The following MAGI1 variants were observed in gnomAD, a reference collection of about 807,000 sequenced individuals.
The protein encoded by MAGI1 is membrane-associated guanylate kinase, WW and PDZ domain-containing protein 1.
MAGI1 carries 58 observed loss-of-function variants against 139.9 expected under a neutral mutation model. The observed-to-expected ratio is 0.41, with a 90% CI of 0.34 to 0.52. MAGI1 has a LOEUF of 0.52. Ranked by LOEUF, MAGI1 falls within the 20% of genes least tolerant of loss-of-function variation. MAGI1 has a pLI of 0.12. For synonymous variants in MAGI1, 812 were observed against 737.9 expected (o/e 1.10, Z -1.63); for missense variants, 1,874 against 1,901.6 (o/e 0.99, Z 0.27).
chr3:65,701,049 T>G (rs759528519), intron 1 of MAGI1, among the ~76,000 whole-genome samples: 7 of 152,258 alleles, frequency 4.6e-5, no homozygotes, highest in Non-Finnish European at 8.8e-5. Flanking sequence ...AAAAATTATG[T>G]CCACAATATA....
intron 1 of MAGI1, among the ~76,000 whole-genome samples, chr3:66,022,136 C>A (rs985456391): frequency 6.6e-6 from 1 of 152,232 alleles, no homozygotes; most frequent in Non-Finnish European, 1.5e-5. Flanking sequence ...CCAATCCTTA[C>A]AACCAGCTGT....
chr3:65,998,606 C>G (rs1354537694), intron 1 of MAGI1, among the ~76,000 whole-genome samples: 1 of 152,154 alleles, frequency 6.6e-6, no homozygotes, highest in Non-Finnish European at 1.5e-5. Flanking sequence ...ATCTGTTAGG[C>G]CTTCCTTATT....
chr3:65,636,521 T>G (rs1027295403), intron 1 of MAGI1, among the ~76,000 whole-genome samples: 1 of 152,142 alleles, frequency 6.6e-6, no homozygotes, highest in Non-Finnish European at 1.5e-5. Context: ...ATCTTGACAA[T>G]GGAAGGTGAT....
chr3:65,521,180 G>GTTC (rs1396829961), intron 2 of MAGI1, among the ~76,000 whole-genome samples: 1 of 151,672 alleles, frequency 6.6e-6, no homozygotes, highest in Admixed American at 6.6e-5. Context: ...ACAGATCTCT[G>GTTC]TTAGAGATAC....
chr3:65,795,011 C>G (rs892460852), intron 1 of MAGI1, among the ~76,000 whole-genome samples: 1 of 152,150 alleles, frequency 6.6e-6, no homozygotes, highest in Admixed American at 6.5e-5. Context: ...GATACCACCA[C>G]GTACCTATCA....
At chr3:65,739,126 T>A (rs912583429) in intron 1 of MAGI1, among the ~76,000 whole-genome samples, 11 of 152,236 alleles carry the variant, frequency 7.2e-5, no homozygotes, top group African/African-American at 2.7e-4. Flanking sequence ...GCCACATTCA[T>A]CAATTATCTT....
intron 2 of MAGI1, among the ~76,000 whole-genome samples, chr3:65,516,513 T>C (rs1481563287): frequency 1.3e-5 from 2 of 151,834 alleles, no homozygotes; most frequent in African/African-American, 2.4e-5. Context: ...TAATAATAAA[T>C]AGTAGCATGC....
At chr3:65,509,790 G>A (rs996770095) in intron 2 of MAGI1, among the ~76,000 whole-genome samples, 10 of 152,126 alleles carry the variant, frequency 6.6e-5, no homozygotes, top group Non-Finnish European at 1.2e-4. Context: ...CTCGAACTGG[G>A]TGGAGCCCAC....
chr3:65,447,994 G>A (rs1472491097), intron 7 of MAGI1, 28 bp downstream of exon 7: 1 of 1,606,676 alleles, frequency 6.2e-7, no homozygotes, highest in Admixed American at 1.7e-5. Context: ...CACGTGTCAT[G>A]CAGCAGCAGC....
chr3:65,619,770 A>G, intron 2 of MAGI1: 2 of 778,816 alleles, frequency 2.6e-6, no homozygotes, highest in Non-Finnish European at 3.1e-6. Context: ...TCAAAGGCAC[A>G]CACGCTCCAC....
intron 1 of MAGI1, among the ~76,000 whole-genome samples, chr3:66,000,441 C>A (rs979742761): frequency 6.6e-6 from 1 of 151,690 alleles, no homozygotes; most frequent in Non-Finnish European, 1.5e-5. Context: ...TTGAAATAAA[C>A]GCAGGGTTTA....
intron 13 of MAGI1, 73 bp from the exon 14 acceptor site, chr3:65,391,431 G>C: frequency 7.6e-7 from 1 of 1,315,588 alleles, no homozygotes; most frequent in Middle Eastern, 1.9e-4. Flanking sequence ...CTTTCCACCA[G>C]CTTGTCTTTG....
intron 1 of MAGI1, among the ~76,000 whole-genome samples, chr3:65,645,422 G>C (rs535577103): frequency 6.6e-6 from 1 of 152,258 alleles, no homozygotes; most frequent in South Asian, 2.1e-4. Flanking sequence ...CGAACTGTCA[G>C]CCCAGAATTC....
chr3:65,944,320 C>T (rs991622991), intron 1 of MAGI1, among the ~76,000 whole-genome samples: 2 of 152,068 alleles, frequency 1.3e-5, no homozygotes, highest in African/African-American at 4.8e-5. Flanking sequence ...CAAGACCAGC[C>T]TGGGCAACAT....
intron 1 of MAGI1, among the ~76,000 whole-genome samples, chr3:65,820,669 CT>C (rs1305762615): frequency 6.6e-6 from 1 of 152,112 alleles, no homozygotes; most frequent in Non-Finnish European, 1.5e-5. Flanking sequence ...AAAAGGAAAT[CT>C]AAATCAAACT....
intron 13 of MAGI1, 115 bp downstream of exon 13, chr3:65,401,324 C>G (rs1474762345): frequency 1.5e-6 from 2 of 1,306,760 alleles, no homozygotes; most frequent in Non-Finnish European, 2.1e-6. Context: ...CTGTCTCCCC[C>G]ATCCACTGTA....
intron 1 of MAGI1, among the ~76,000 whole-genome samples, chr3:65,699,929 G>A (rs2089484013): frequency 1.3e-5 from 2 of 151,128 alleles, no homozygotes; most frequent in South Asian, 2.1e-4. Flanking sequence ...AAATTCTTAG[G>A]CCTTGCCCCA....
intron 1 of MAGI1, among the ~76,000 whole-genome samples, chr3:65,859,199 G>A (rs2059465312): frequency 6.6e-6 from 1 of 152,054 alleles, no homozygotes; most frequent in Non-Finnish European, 1.5e-5. Flanking sequence ...TGGGCATGGT[G>A]GCGCATGCCT....
In MAGI1 at chr3:65,437,329, T is replaced by C. The variant is rs894366448; in HGVS notation, c.1271-82A>G. 1.7e-5 allele frequency: 14 copies of C among 841,764 alleles called. No individual in the cohort carries two copies. In the African/African-American group the frequency reaches 2.1e-4, roughly 12 times the overall value. 52.1% of individuals were successfully genotyped at this position (841,764 alleles called of 1,614,324 possible). On this transcript the variant is annotated intron_variant, in intron 9 of 22. Coordinates refer to ENST00000402939, the MANE Select transcript of MAGI1 (RefSeq NM_001033057.2). ...TTATGATTCACCTTATTATTAATAA[T>C]ACTCAAGGCAATAAACCAAGGGCAG...
Sources: gnomAD v4.1 joint callset for allele counts (sites outside exome capture counted in the v4.1 genomes callset) on GRCh38, gnomAD v4.1.1 for gene constraint, MANE v1.5 for transcripts, NCBI Gene and HGNC (gene_info 2026-07-23, HGNC 2026-07-21) for gene names.